Variants in PHF21A observed in about 807,000 individuals in gnomAD.
PHF21A encodes the protein BHC80a.
Under a neutral mutation model 82.5 loss-of-function variants are expected in PHF21A, and 11 were observed. The ratio of observed to expected loss-of-function variants is 0.13; its 90% CI spans 0.08 to 0.22. The LOEUF is 0.22. Ranked by LOEUF, PHF21A falls within the 10% of genes least tolerant of loss-of-function variation. PHF21A has a pLI of 1.00. For missense variants in PHF21A, 579 were observed against 837.8 expected, an observed-to-expected ratio of 0.69 and a Z score of 3.81; for synonymous variants, 297 against 302.8, an observed-to-expected ratio of 0.98 and a Z score of 0.20.
intron 13 of PHF21A, 94 bp from the exon 14 acceptor site, chr11:45,949,040 A>T (rs1391420009): frequency 2.1e-6 from 2 of 946,616 alleles, no homozygotes; most frequent in Non-Finnish European, 3.5e-6. Flanking sequence ...ATGACTGTCA[A>T]CATGCCGACT....
rs1436402575 is a variant in PHF21A at position 45,933,648 on chromosome 11, C to T, written c.*320G>A. On this transcript the variant is annotated 3_prime_UTR_variant, in exon 19 of 19. Transcript: ENST00000676320. ...GAAAACAGAAACAAACCCATCGTGG[C>T]TGTGGAGGCTGCTGCAGGCACACAC... 10 of 223,184 alleles carry T rather than the reference C, an allele frequency of 4.5e-5. No homozygotes were observed. The highest frequency in any genetic ancestry group is 1.7e-5 in the Non-Finnish European group (2 of 114,996). The allele number at this position is 223,184 out of a possible 1,614,324, so 13.8% of individuals were successfully genotyped here.
At chr11:46,099,097 A>T (rs1440729872) in intron 1 of PHF21A, among the ~76,000 whole-genome samples, 1 of 152,268 alleles carries the variant, frequency 6.6e-6, no homozygotes, top group East Asian at 1.9e-4. Flanking sequence ...AATAGCATCA[A>T]CATACACAGA....
intron 10 of PHF21A, among the ~76,000 whole-genome samples, chr11:45,960,504 A>G (rs1422120417): frequency 2.0e-5 from 3 of 152,356 alleles, no homozygotes; most frequent in African/African-American, 7.2e-5. Context: ...CTATGGAGAC[A>G]GAAAGCAGAC....
intron 6 of PHF21A, among the ~76,000 whole-genome samples, chr11:45,990,161 C>T (rs532711125): frequency 1.3e-5 from 2 of 152,024 alleles, no homozygotes; most frequent in South Asian, 2.1e-4. Flanking sequence ...CATGTATGCA[C>T]CCACTAACAC....
intron 6 of PHF21A, among the ~76,000 whole-genome samples, chr11:46,068,116 G>A (rs1451538729): frequency 6.6e-6 from 1 of 152,172 alleles, no homozygotes. Flanking sequence ...GGGTATGTAT[G>A]AGAATGAGTT....
At chr11:46,009,773 G>A (rs961802435) in intron 6 of PHF21A, among the ~76,000 whole-genome samples, 5 of 152,104 alleles carry the variant, frequency 3.3e-5, no homozygotes, top group African/African-American at 1.2e-4. Flanking sequence ...AATTCTGCTC[G>A]TTCATTGTTT....
intron 6 of PHF21A, among the ~76,000 whole-genome samples, chr11:46,039,988 G>A (rs1190981044): frequency 6.6e-6 from 1 of 152,022 alleles, no homozygotes; most frequent in African/African-American, 2.4e-5. Context: ...AGCATTTTTT[G>A]GGAAAAAGAG....
intron 6 of PHF21A, among the ~76,000 whole-genome samples, chr11:46,006,994 C>A (rs1046236894): frequency 1.3e-5 from 2 of 152,180 alleles, no homozygotes; most frequent in Non-Finnish European, 2.9e-5. Flanking sequence ...CTAGCATATG[C>A]CACACACTTC....
At chr11:46,079,742 T>C (rs567172067) in intron 4 of PHF21A, among the ~76,000 whole-genome samples, 1 of 152,034 alleles carries the variant, frequency 6.6e-6, no homozygotes, top group African/African-American at 2.4e-5. Flanking sequence ...AATACAAAAC[T>C]CTATCTAACT....
At chr11:46,107,477 G>A (rs1593321883) in intron 1 of PHF21A, among the ~76,000 whole-genome samples, 2 of 152,238 alleles carry the variant, frequency 1.3e-5, no homozygotes, top group East Asian at 3.9e-4. Flanking sequence ...AAACTTGGCT[G>A]GTAAAAAACG....
At chr11:46,111,813 T>C (rs763487639) in intron 1 of PHF21A, among the ~76,000 whole-genome samples, 7 of 152,198 alleles carry the variant, frequency 4.6e-5, no homozygotes, top group Non-Finnish European at 7.3e-5. Context: ...AATTAAGATT[T>C]TTTGAAACTA....
chr11:46,085,332 C>A (rs1288233694), intron 3 of PHF21A, among the ~76,000 whole-genome samples: 1 of 152,168 alleles, frequency 6.6e-6, no homozygotes, highest in Non-Finnish European at 1.5e-5. Context: ...TTTGACTATA[C>A]ATATAATGGC....
chr11:46,010,388 C>T (rs912572207), intron 6 of PHF21A, among the ~76,000 whole-genome samples: 1 of 152,172 alleles, frequency 6.6e-6, no homozygotes, highest in South Asian at 2.1e-4. Context: ...TGTGAAGATA[C>T]TTTACAGAAG....
chr11:45,973,544 C>T (rs1315675624), intron 7 of PHF21A, among the ~76,000 whole-genome samples: 5 of 152,246 alleles, frequency 3.3e-5, no homozygotes, highest in East Asian at 3.9e-4. Flanking sequence ...TGAGAGTAAA[C>T]GCGGAACACT....
chr11:46,105,655 TA>T (rs1316116567), intron 1 of PHF21A, among the ~76,000 whole-genome samples: 1 of 152,180 alleles, frequency 6.6e-6, no homozygotes, highest in East Asian at 1.9e-4. Context: ...CTAAGCTACT[TA>T]AAAATCATAA....
chr11:45,995,799 C>A (rs559689481), intron 6 of PHF21A, among the ~76,000 whole-genome samples: 1 of 152,202 alleles, frequency 6.6e-6, no homozygotes, highest in African/African-American at 2.4e-5. Context: ...AAAAACAAAC[C>A]AAAAACATAA....
intron 3 of PHF21A, among the ~76,000 whole-genome samples, chr11:46,086,669 T>C (rs1804797996): frequency 6.6e-6 from 1 of 152,170 alleles, no homozygotes; most frequent in Non-Finnish European, 1.5e-5. Context: ...TACCAGAAAA[T>C]GTGTCCAAAA....
chr11:45,935,653 G>T lies in PHF21A; in HGVS notation c.1771C>A (p.Leu591Ile). 1.3e-6 allele frequency: 2 copies of T among 1,512,558 alleles called. No homozygotes were observed. Among genetic ancestry groups the T allele is most frequent in the Non-Finnish European group, 1.8e-6 (2 of 1,089,408 alleles). 93.7% of individuals were successfully genotyped at this position (1,512,558 alleles called of 1,614,324 possible). A position where few individuals can be genotyped will look rare whatever the true frequency, so the allele number is the denominator to read the frequency against. Reference protein sequence around the residue: ...REQLEQKVKQLSNSISKCMEM... With the variant: ...REQLEQKVKQISNSISKCMEM... ...TTACTTACACTTATGGAATTGCTGA[G>T]CTGTTTCACCTTTTGCTCTAGTTGT... is the stretch of plus-strand genomic sequence containing the variant. The change falls in exon 18 of 19, where the codon CTC (leucine) becomes ATC (isoleucine). Residue 591 changes from leucine (L) to isoleucine (I), a missense_variant. By Grantham distance (5) the Leu-to-Ile change is conservative. Transcript: ENST00000676320.
intron 7 of PHF21A, among the ~76,000 whole-genome samples, chr11:45,972,593 C>T (rs1212235974): frequency 2.0e-5 from 3 of 152,192 alleles, no homozygotes; most frequent in African/African-American, 7.2e-5. Context: ...GCCTGGTCAA[C>T]ATGGCGAAAG....
Sources: allele counts gnomAD v4.1 joint callset (sites outside exome capture counted in the v4.1 genomes callset), GRCh38; gene constraint gnomAD v4.1.1; transcripts MANE v1.5; gene names NCBI Gene and HGNC (gene_info 2026-07-23, HGNC 2026-07-21).